BLTP3B: variants seen among roughly 807,000 people sequenced by gnomAD.
The protein encoded by BLTP3B is bridge-like lipid transfer protein family member 3B, also known as UHRF1 (ICBP90) binding protein 1-like.
the BLTP3B span, among the ~76,000 whole-genome samples, chr12:100,103,070 T>C: frequency 3.3e-5 from 5 of 152,142 alleles, no homozygotes; most frequent in East Asian, 9.7e-4. Flanking sequence ...TATTATCTGG[T>C]GGAAAAGCTA....
chr12:100,132,113 AT>A, the BLTP3B span, among the ~76,000 whole-genome samples: 5 of 152,200 alleles, frequency 3.3e-5, no homozygotes, highest in Non-Finnish European at 7.3e-5. Flanking sequence ...TAAAAAAATT[AT>A]TTGTCCTAAG....
chr12:100,072,798 G>T, the BLTP3B span: 2 of 1,597,438 alleles, frequency 1.3e-6, no homozygotes, highest in Non-Finnish European at 1.7e-6. Context: ...GAACGACATT[G>T]TTCCGCTGTA....
the BLTP3B span, among the ~76,000 whole-genome samples, chr12:100,104,137 T>C: frequency 1.3e-5 from 2 of 152,048 alleles, no homozygotes; most frequent in Non-Finnish European, 2.9e-5. Context: ...CCCATTTTAT[T>C]TAAGAAATTA....
At chr12:100,113,182 G>C in the BLTP3B span, among the ~76,000 whole-genome samples, 5 of 148,594 alleles carry the variant, frequency 3.4e-5, no homozygotes, top group East Asian at 1.0e-3. Flanking sequence ...CACACAAAAA[G>C]AATCTCATCT....
the BLTP3B span, among the ~76,000 whole-genome samples, chr12:100,085,451 C>T: frequency 6.6e-6 from 1 of 150,944 alleles, no homozygotes; most frequent in South Asian, 2.1e-4. Flanking sequence ...TGAGTCAGGA[C>T]GATAGTATAT....
the BLTP3B span, among the ~76,000 whole-genome samples, chr12:100,081,598 TTC>T: frequency 1.3e-5 from 2 of 152,190 alleles, no homozygotes; most frequent in African/African-American, 4.8e-5. Flanking sequence ...ACCCCATGTC[TTC>T]TGTTTCCCTC....
At chr12:100,098,534 C>T in the BLTP3B span, 412 of 1,603,342 alleles carry the variant, frequency 2.6e-4, 5 homozygotes, top group East Asian at 8.5e-3. Context: ...TCAGCAAAGC[C>T]GTATTCACTG....
the BLTP3B span, among the ~76,000 whole-genome samples, chr12:100,052,536 T>C: frequency 2.0e-5 from 3 of 151,828 alleles, no homozygotes; most frequent in South Asian, 6.2e-4. Flanking sequence ...CAGAAACAGG[T>C]ACAACAGACT....
chr12:100,135,805 A>C, the BLTP3B span, among the ~76,000 whole-genome samples: 1 of 152,214 alleles, frequency 6.6e-6, no homozygotes, highest in Admixed American at 6.5e-5. Context: ...TAACTGCTAC[A>C]TCCCCAGCAG....
the BLTP3B span, among the ~76,000 whole-genome samples, chr12:100,136,795 T>G: frequency 6.6e-6 from 1 of 150,400 alleles, no homozygotes; most frequent in Non-Finnish European, 1.5e-5. Flanking sequence ...AGATAGCTTT[T>G]CTTTTCTTTT....
the BLTP3B span, among the ~76,000 whole-genome samples, chr12:100,110,330 A>C: frequency 6.6e-6 from 1 of 152,206 alleles, no homozygotes; most frequent in African/African-American, 2.4e-5. Context: ...ACAATCATTT[A>C]ACACATGTAT....
At chr12:100,097,452 G>A in the BLTP3B span, 3 of 1,613,278 alleles carry the variant, frequency 1.9e-6, no homozygotes, top group South Asian at 3.3e-5. Flanking sequence ...AACTTTGGGT[G>A]GCATCTGCCT....
At chr12:100,127,206 T>C in the BLTP3B span, among the ~76,000 whole-genome samples, 34 of 152,238 alleles carry the variant, frequency 2.2e-4, no homozygotes, top group African/African-American at 7.0e-4. Flanking sequence ...GAAAGCCATT[T>C]TAAACAATAA....
chr12:100,077,519 T>G, the BLTP3B span, among the ~76,000 whole-genome samples: 1 of 152,206 alleles, frequency 6.6e-6, no homozygotes, highest in African/African-American at 2.4e-5. Flanking sequence ...CAGCACATTG[T>G]AGGATTTAAC....
the BLTP3B span, among the ~76,000 whole-genome samples, chr12:100,090,484 T>G: frequency 1.4e-4 from 22 of 152,286 alleles, 1 homozygote; most frequent in East Asian, 4.0e-3. Flanking sequence ...CTTTAAAAAT[T>G]AACAATGTTC....
the BLTP3B span, among the ~76,000 whole-genome samples, chr12:100,103,451 C>A: frequency 6.6e-6 from 1 of 151,702 alleles, no homozygotes. Flanking sequence ...TTATTATTAT[C>A]TGAAACTGTC....
the BLTP3B span, chr12:100,108,255 G>C: frequency 1.0e-6 from 1 of 999,060 alleles, no homozygotes; most frequent in Non-Finnish European, 1.4e-6. Flanking sequence ...TCTTTCTTTT[G>C]AAATTATATT....
chr12:100,142,703 C>T, the BLTP3B span: 1 of 1,554,220 alleles, frequency 6.4e-7, no homozygotes, highest in Non-Finnish European at 8.7e-7. Context: ...GTGGCCGTCT[C>T]CTCTCTGTCC....
chr12:100,110,337 G>A, the BLTP3B span, among the ~76,000 whole-genome samples: 9 of 152,126 alleles, frequency 5.9e-5, no homozygotes, highest in Admixed American at 2.0e-4. Context: ...TTTAACACAT[G>A]TATTTGACCA....
Sources: allele counts gnomAD v4.1 joint callset (sites outside exome capture counted in the v4.1 genomes callset), GRCh38; gene constraint gnomAD v4.1.1; transcripts MANE v1.5; gene names NCBI Gene and HGNC (gene_info 2026-07-23, HGNC 2026-07-21).